The following CACNA1D variants were observed in gnomAD, a reference collection of about 807,000 sequenced individuals.
CACNA1D encodes calcium voltage-gated channel subunit alpha1 D.
A neutral mutation model predicts 257.1 loss-of-function variants in CACNA1D; 55 were observed. The observed-to-expected ratio is 0.21, with a 90% confidence interval of 0.17 to 0.27. The LOEUF is 0.27. Among genes scored for constraint, CACNA1D ranks in the 10% least tolerant of loss-of-function variants. The pLI, the probability that CACNA1D is intolerant of heterozygous loss-of-function variation, is 1.00. For synonymous variants in CACNA1D, 980 were observed against 1,014.9 expected (o/e 0.97, Z 0.65); for missense variants, 1,876 against 2,784.0 (o/e 0.67, Z 7.34).
chr3:53,768,783 G>A (rs2095349437), intron 30 of CACNA1D, among the ~76,000 whole-genome samples: 1 of 152,168 alleles, frequency 6.6e-6, no homozygotes, highest in Non-Finnish European at 1.5e-5. Flanking sequence ...TCAGGAGGTA[G>A]CCCTTGATGC....
intron 5 of CACNA1D, among the ~76,000 whole-genome samples, chr3:53,661,930 A>G (rs1392346527): frequency 6.6e-6 from 1 of 152,194 alleles, no homozygotes. Flanking sequence ...GTCTTGTATG[A>G]GGACTTTTGA....
In CACNA1D at chr3:53,723,110, G is replaced by A. The variant is rs1331767303; in HGVS notation, c.1667-324G>A. On this transcript the variant is annotated intron_variant, in intron 12 of 47. Coordinates refer to ENST00000350061, the MANE Select transcript of CACNA1D (RefSeq NM_001128840.3). The surrounding 1 kb of genome is among the most constrained non-coding windows in gnomAD (Gnocchi z 5.6). ...AACCTGATGGTGTCAACGCAGAATC[G>A]TAGGCTTTTAGGGCTGGAAGGAGTC... Among the ~76,000 whole-genome samples, 1 of 152,172 alleles carries A rather than the reference G, an allele frequency of 6.6e-6. No homozygotes were observed. Among genetic ancestry groups the A allele is most frequent in the Non-Finnish European group, 1.5e-5 (1 of 68,032 alleles).
intron 3 of CACNA1D, among the ~76,000 whole-genome samples, chr3:53,520,467 T>A (rs2091508709): frequency 1.3e-5 from 2 of 152,224 alleles, no homozygotes; most frequent in South Asian, 2.1e-4. Flanking sequence ...ATTGAATTTT[T>A]AAAATTATTG....
chr3:53,634,046 A>G (rs566790664), intron 3 of CACNA1D, among the ~76,000 whole-genome samples: 2 of 152,212 alleles, frequency 1.3e-5, no homozygotes, highest in Admixed American at 6.5e-5. Flanking sequence ...GTGGCCCTTC[A>G]TGTTCAGATG....
chr3:53,602,243 C>T (rs114911151), intron 3 of CACNA1D, among the ~76,000 whole-genome samples: 1 of 152,318 alleles, frequency 6.6e-6, no homozygotes, highest in African/African-American at 2.4e-5. Context: ...TTTCAGTTAA[C>T]ATAATGACCC....
Position 53,801,366 on chromosome 3 carries a change from T to G in CACNA1D, c.5349T>G (p.Asn1783Lys), listed in dbSNP as rs1373089689. 6.2e-7 allele frequency: 1 copy of G among 1,614,090 alleles called. No homozygotes were observed. The highest frequency in any genetic ancestry group is 1.3e-5 in the African/African-American group (1 of 74,986). Residue 1783 changes from asparagine to lysine, a missense_variant, in exon 42 of 48, where the codon AAT (asparagine) becomes AAG (lysine). By Grantham distance (94) the Asn-to-Lys change is moderately conservative. Transcript: ENST00000350061. ...GGAACCTTGAGCATGTGTCTGAAAA[T>G]GGGCATCATTCTTCCCACAAGCATG... ...SIGNLEHVSE[N>K]GHHSSHKHDR...
At chr3:53,648,648 G>A in intron 3 of CACNA1D, among the ~76,000 whole-genome samples, 1 of 152,084 alleles carries the variant, frequency 6.6e-6, no homozygotes, top group East Asian at 1.9e-4. Context: ...TCGTAGCTCT[G>A]AGCGTGGCAT....
Position 53,801,384 on chromosome 3 carries a change from C to A in CACNA1D, c.5367C>A (p.His1789Gln). ...CTGAAAATGGGCATCATTCTTCCCA[C>A]AAGCATGACCGGGAGCCTCAGAGAA... ...HVSENGHHSSHKHDREPQRRS... is the reference protein window; with the variant it reads ...HVSENGHHSSQKHDREPQRRS... Residue 1789 changes from histidine (H) to glutamine (Q), a missense_variant, in exon 42 of 48, where the codon CAC becomes CAA. Physicochemically the swap from His to Gln is conservative, Grantham distance 24. This residue lies in a region of CACNA1D where 491 missense variants were observed against 554.3 expected (regional missense o/e 0.89). Coordinates refer to ENST00000350061, the MANE Select transcript of CACNA1D (RefSeq NM_001128840.3). The A allele has an allele frequency of 6.2e-7, 1 of 1,614,154 alleles. No homozygotes were observed. Among genetic ancestry groups the A allele is most frequent in the South Asian group, 1.1e-5 (1 of 91,074 alleles).
intron 10 of CACNA1D, chr3:53,718,601 C>CCCCCCCAG: frequency 2.7e-6 from 3 of 1,103,194 alleles, no homozygotes; most frequent in Middle Eastern, 2.8e-4. Context: ...CCCCCCGGCC[C>CCCCCCCAG]AGCATTTCAC....
At position 53,732,865 on chromosome 3, in the gene CACNA1D, G is replaced by A. The variant is rs760959586; in HGVS notation, c.2524G>A (p.Gly842Arg). Residue 842 changes from glycine to arginine, a missense_variant, in exon 19 of 48, where the codon GGA becomes AGA. Physicochemically the swap from Gly to Arg is moderately radical, Grantham distance 125 (BLOSUM62 -2). This residue lies in a region of CACNA1D where 271 missense variants were observed against 425.5 expected (regional missense o/e 0.64). Transcript: ENST00000350061. The stretch of plus-strand genomic sequence containing the variant: ...GGAGGATGAACCTGAGGTTCCTGCC[G>A]GACCCCGTCCTCGAAGGATCTCGGA... ...EEEDEPEVPAGPRPRRISELN... is the reference protein window; with the variant it reads ...EEEDEPEVPARPRPRRISELN... The A allele has an allele frequency of 6.8e-6, 11 of 1,613,616 alleles. No homozygotes were observed. The highest frequency in any genetic ancestry group is 4.5e-5 in the East Asian group (2 of 44,878).
intron 8 of CACNA1D, among the ~76,000 whole-genome samples, chr3:53,689,705 C>T (rs2094503017): frequency 6.6e-6 from 1 of 152,150 alleles, no homozygotes; most frequent in African/African-American, 2.4e-5. Context: ...GTCACCCAGG[C>T]AGCAGTGCAA....
At position 53,666,549 on chromosome 3, in the gene CACNA1D, G is replaced by A. The variant is rs199753638; in HGVS notation, c.1116+14G>A. The A allele has an allele frequency of 2.0e-5, 32 of 1,602,542 alleles. No individual in the cohort carries two copies. In the East Asian group the frequency reaches 5.8e-4, roughly 29 times the overall value. ...GTGCTCTACTGGGTAAGTACCCTGG[G>A]GAGAGAGTTTATGGAGTGTTCTTTG... On this transcript the variant is annotated intron_variant, in intron 7 of 47. Transcript: ENST00000350061.
chr3:53,762,642 G>A (rs757471965), intron 30 of CACNA1D: 2 of 456,674 alleles, frequency 4.4e-6, no homozygotes, highest in South Asian at 1.5e-5. Context: ...AATGTAAGTA[G>A]CAAACTTTGT....
At chr3:53,753,498 T>C in intron 28 of CACNA1D, 74 bp from the exon 29 acceptor site, 1 of 1,004,358 alleles carries the variant, frequency 1.0e-6, no homozygotes, top group Non-Finnish European at 1.6e-6. Flanking sequence ...CACAGAGGGC[T>C]GGGAGCCTCC....
chr3:53,759,995 A>G (rs1388891314), intron 29 of CACNA1D, among the ~76,000 whole-genome samples: 1 of 152,200 alleles, frequency 6.6e-6, no homozygotes, highest in Non-Finnish European at 1.5e-5. Context: ...ACTTTTATAC[A>G]TAGATCATCA....
chr3:53,662,683 C>T (rs2094216411), intron 5 of CACNA1D, among the ~76,000 whole-genome samples: 1 of 151,664 alleles, frequency 6.6e-6, no homozygotes, highest in South Asian at 2.1e-4. Flanking sequence ...TGACTAGAGT[C>T]CCATGAGATC....
intron 15 of CACNA1D, among the ~76,000 whole-genome samples, chr3:53,728,613 A>G (rs1039091836): frequency 9.2e-5 from 14 of 151,686 alleles, no homozygotes; most frequent in African/African-American, 3.2e-4. Flanking sequence ...CCTATGGTTG[A>G]CTCTTTAGGC....
intron 3 of CACNA1D, among the ~76,000 whole-genome samples, chr3:53,620,047 A>T (rs1267314249): frequency 1.3e-5 from 2 of 152,236 alleles, no homozygotes; most frequent in Non-Finnish European, 2.9e-5. Context: ...AAAATTAAAT[A>T]GCAATGTAAG....
At position 53,667,405 on chromosome 3, in the gene CACNA1D, ATG is replaced by A. The variant is rs376316421; in HGVS notation, c.1116+872_1116+873del. On this transcript the variant is annotated intron_variant, in intron 7 of 47. Transcript: ENST00000350061. ...AGAGTTGCTGGTAAAGACAGCTAAC[ATG>A]TAGATTTTGAGCCTAAATCCAAGTC... Among the ~76,000 whole-genome samples the A allele has an allele frequency of 8.2e-5, 8 of 97,930 alleles. No homozygotes were observed. In the Admixed American group the frequency reaches 8.9e-4, roughly 11 times the overall value. The allele number at this position is 97,930 out of a possible 152,430, so 64.2% of individuals were successfully genotyped here.
Sources: allele counts gnomAD v4.1 joint callset (sites outside exome capture counted in the v4.1 genomes callset), GRCh38; gene constraint gnomAD v4.1.1; regional missense constraint gnomAD v4.1.1; non-coding constraint Gnocchi (gnomAD v3.1); transcripts MANE v1.5; gene names NCBI Gene and HGNC (gene_info 2026-07-23, HGNC 2026-07-21).